MID1: variants seen among roughly 807,000 people sequenced by gnomAD.
MID1 encodes E3 ubiquitin-protein ligase Midline-1.
MID1 carries 7 observed loss-of-function variants against 40.4 expected under a neutral mutation model. The ratio of observed to expected loss-of-function variants is 0.17; its 90% CI spans 0.10 to 0.33. The LOEUF (loss-of-function observed/expected upper bound fraction) is 0.33. MID1 is among the 10% of genes least tolerant of loss of function. The pLI is 1.00. For synonymous variants in MID1, 229 were observed against 221.2 expected (o/e 1.04, Z -0.31); for missense variants, 367 against 558.5 (o/e 0.66, Z 3.46).
At chrX:10,763,679 C>A (rs915507255) in intron 1 of MID1, among the ~76,000 whole-genome samples, 4 of 111,343 alleles carry the variant, frequency 3.6e-5, no homozygotes, top group African/African-American at 1.3e-4. Flanking sequence ...GGGTATATAC[C>A]CAGTGATGGG....
At chrX:10,656,757 ATTT>A (rs201204700) in intron 1 of MID1, among the ~76,000 whole-genome samples, 1 of 108,566 alleles carries the variant, frequency 9.2e-6, no homozygotes, top group African/African-American at 3.4e-5. Context: ...GTAGATGGTG[ATTT>A]TTTTTAAAAA....
Position 10,620,283 on chromosome X carries a change from A to C in MID1, c.-57+7T>G, listed in dbSNP as rs1425652946. ...CCTCCGCCGCCAGCGCAACCGCCTG[A>C]GCTTACCTGCCTCATGTTTAGAATC... On this transcript the variant is annotated splice_region_variant and intron_variant, in intron 1 of 9. Transcript: ENST00000317552. 8.9e-6 allele frequency: 1 copy of C among 112,422 alleles called. No individual in the cohort carries two copies. The highest frequency in any genetic ancestry group is 2.8e-4 in the East Asian group (1 of 3,552). The allele number at this position is 112,422 out of a possible 1,213,427, so 9.3% of individuals were successfully genotyped here.
intron 1 of MID1, chrX:10,677,727 C>T (rs950464039): frequency 8.9e-6 from 1 of 111,956 alleles, no homozygotes; most frequent in African/African-American, 3.2e-5. Context: ...TCATAGTGAC[C>T]CTGCATAGAA....
At chrX:10,789,811 C>T (rs899372975) in intron 1 of MID1, among the ~76,000 whole-genome samples, 1 of 111,773 alleles carries the variant, frequency 8.9e-6, no homozygotes, top group East Asian at 2.8e-4. Flanking sequence ...TCTGCCCCAC[C>T]CTTGACTGAG....
chrX:10,801,412 A>G (rs1425139370), intron 1 of MID1, among the ~76,000 whole-genome samples: 2 of 111,955 alleles, frequency 1.8e-5, no homozygotes, highest in Non-Finnish European at 1.9e-5. Context: ...TCACTATACT[A>G]AGTGAGGTCT....
chrX:10,828,305 C>T (rs952573248), intron 1 of MID1, among the ~76,000 whole-genome samples: 2 of 111,130 alleles, frequency 1.8e-5, no homozygotes, highest in Non-Finnish European at 3.8e-5. Context: ...TCTTGGACGC[C>T]ACATCAGATT....
chrX:10,798,947 A>G (rs1390026613), intron 1 of MID1, among the ~76,000 whole-genome samples: 1 of 112,010 alleles, frequency 8.9e-6, no homozygotes, highest in African/African-American at 3.2e-5. Context: ...CTTTGTCACC[A>G]TGATGGTATT....
chrX:10,547,954 T>C (rs182630202), intron 2 of MID1, among the ~76,000 whole-genome samples: 1 of 111,855 alleles, frequency 8.9e-6, no homozygotes, highest in East Asian at 2.8e-4. Context: ...GGAGGATTAC[T>C]GCAGAAAGCT....
At chrX:10,818,265 C>T (rs998615219) in intron 1 of MID1, among the ~76,000 whole-genome samples, 2 of 112,201 alleles carry the variant, frequency 1.8e-5, no homozygotes, top group Non-Finnish European at 3.8e-5. Context: ...TGAGTCAACA[C>T]GTTACAATGG....
intron 2 of MID1, among the ~76,000 whole-genome samples, chrX:10,532,830 C>T (rs937624275): frequency 2.8e-4 from 30 of 108,835 alleles, no homozygotes; most frequent in Non-Finnish European, 4.8e-4. Flanking sequence ...TGCAATGGGG[C>T]GATCTCAGCT....
chrX:10,741,080 C>T, intron 1 of MID1, among the ~76,000 whole-genome samples: 1 of 111,890 alleles, frequency 8.9e-6, no homozygotes, highest in East Asian at 2.8e-4. Context: ...TGTGATCGTG[C>T]AAAGGAGTAT....
intron 2 of MID1, among the ~76,000 whole-genome samples, chrX:10,555,722 T>C (rs1934093608): frequency 9.0e-6 from 1 of 111,321 alleles, no homozygotes; most frequent in South Asian, 3.9e-4. Context: ...ATGATTTCCA[T>C]ATTGTTTCAG....
chrX:10,625,734 G>A lies in MID1; in HGVS notation c.-186-5315C>T, dbSNP rs760142165. 3.6e-5 allele frequency among the ~76,000 whole-genome samples: 4 copies of A among 111,930 alleles called. No individual in the cohort carries two copies. In the South Asian group the frequency reaches 1.5e-3, roughly 42 times the overall value. ...TCAAATGTCAGAATATAATGCAATTGTTTTCATACCAAGGCTCAACATTTT... is the reference window on the plus strand; with the variant it reads ...TCAAATGTCAGAATATAATGCAATTATTTTCATACCAAGGCTCAACATTTT... On this transcript the variant is annotated intron_variant, in intron 1 of 10. Coordinates refer to the MID1 transcript ENST00000380785.
At chrX:10,708,260 A>T (rs1278363948) in intron 1 of MID1, among the ~76,000 whole-genome samples, 2 of 112,140 alleles carry the variant, frequency 1.8e-5, no homozygotes, top group African/African-American at 6.5e-5. Context: ...TATGAAACTT[A>T]TTTTATTTTG....
intron 1 of MID1, among the ~76,000 whole-genome samples, chrX:10,617,229 C>T (rs1278266563): frequency 3.6e-5 from 4 of 112,027 alleles, no homozygotes; most frequent in East Asian, 2.8e-4. Context: ...TCTCTGCCTT[C>T]GTCTCACCAT....
intron 4 of MID1, among the ~76,000 whole-genome samples, chrX:10,493,501 T>C (rs1396257229): frequency 1.8e-5 from 2 of 112,087 alleles, no homozygotes; most frequent in African/African-American, 3.2e-5. Flanking sequence ...TAATTTGTTA[T>C]TGCAGCAATA....
intron 1 of MID1, among the ~76,000 whole-genome samples, chrX:10,645,394 TCA>T (rs769399207): frequency 3.6e-5 from 4 of 111,967 alleles, no homozygotes; most frequent in Non-Finnish European, 5.6e-5. Context: ...TGGTCACAGC[TCA>T]GTTTTGTCTT....
intron 1 of MID1, among the ~76,000 whole-genome samples, chrX:10,793,894 C>T (rs1195618476): frequency 7.2e-5 from 8 of 111,531 alleles, no homozygotes; most frequent in African/African-American, 2.6e-4. Flanking sequence ...AAAGCTCTGA[C>T]CATCTGATAT....
At chrX:10,637,985 A>G (rs1256626193) in intron 1 of MID1, among the ~76,000 whole-genome samples, 1 of 112,518 alleles carries the variant, frequency 8.9e-6, no homozygotes, top group Non-Finnish European at 1.9e-5. Flanking sequence ...AAAAAAGTAC[A>G]GAGAGTAATG....
Sources: allele counts gnomAD v4.1 joint callset (sites outside exome capture counted in the v4.1 genomes callset), GRCh38; gene constraint gnomAD v4.1.1; transcripts MANE v1.5; gene names NCBI Gene and HGNC (gene_info 2026-07-23, HGNC 2026-07-21).